The following ARHGAP6 variants were observed in gnomAD, a reference collection of about 807,000 sequenced individuals.
ARHGAP6 encodes rho GTPase-activating protein 6.
A neutral mutation model predicts 55.7 loss-of-function variants in ARHGAP6; 16 were observed. That is an observed-to-expected ratio of 0.29 (90% confidence interval 0.19 to 0.44). The LOEUF (loss-of-function observed/expected upper bound fraction) is 0.44. Ranked by LOEUF, ARHGAP6 falls within the 20% of genes least tolerant of loss-of-function variation. The pLI, the probability that ARHGAP6 is intolerant of heterozygous loss-of-function variation, is 1.00. For missense variants in ARHGAP6, 698 were observed against 808.9 expected (o/e 0.86, Z 1.66); for synonymous variants, 382 against 360.9 (o/e 1.06, Z -0.66).
intron 1 of ARHGAP6, among the ~76,000 whole-genome samples, chrX:11,322,874 T>A (rs2048451245): frequency 8.9e-6 from 1 of 112,536 alleles, no homozygotes; most frequent in Non-Finnish European, 1.9e-5. Flanking sequence ...ACCCAGAAGT[T>A]GTGATTTGGG....
chrX:11,410,264 T>C, intron 1 of ARHGAP6, among the ~76,000 whole-genome samples: 1 of 112,565 alleles, frequency 8.9e-6, no homozygotes, highest in Non-Finnish European at 1.9e-5. Context: ...AAGTATCATG[T>C]TTCCATATGA....
At chrX:11,148,541 C>A in intron 10 of ARHGAP6, 1 of 284,243 alleles carries the variant, frequency 3.5e-6, no homozygotes, top group South Asian at 3.5e-5. Context: ...ACCCCCAAAC[C>A]CCAGGACCAT....
At chrX:11,484,688 T>C (rs892169500) in intron 1 of ARHGAP6, among the ~76,000 whole-genome samples, 4 of 112,022 alleles carry the variant, frequency 3.6e-5, no homozygotes, top group Non-Finnish European at 7.5e-5. Context: ...GGCTGTATCA[T>C]TCATTAAGTA....
intron 1 of ARHGAP6, chrX:11,266,072 T>A (rs3890625): frequency 0.079 from 10,592 of 133,301 alleles, 823 homozygotes; most frequent in African/African-American, 0.18. Context: ...TGTGTGTGTG[T>A]GAGAGAGAGA....
At position 11,550,564 on chromosome X, in the gene ARHGAP6, G is replaced by A. The variant is rs1030558367; in HGVS notation, c.588+113677C>T. ...CCTGAGGTAATTCAATGTCAACCAA[G>A]GCTGAGAACTACTTGTTTGGAGCTC... On this transcript the variant is annotated intron_variant, in intron 1 of 12. Transcript: ENST00000337414. Among the ~76,000 whole-genome samples the A allele has an allele frequency of 2.7e-5, 3 of 111,881 alleles. No homozygotes were observed. The East Asian group carries it at 8.4e-4, about 31-fold the overall frequency.
intron 1 of ARHGAP6, among the ~76,000 whole-genome samples, chrX:11,488,882 G>A (rs1472173458): frequency 9.0e-6 from 1 of 111,607 alleles, no homozygotes; most frequent in Non-Finnish European, 1.9e-5. Flanking sequence ...TGCCAAAAAG[G>A]TTGGGGACCG....
intron 11 of ARHGAP6, 139 bp downstream of exon 11, chrX:11,143,841 G>A (rs758465960): frequency 1.7e-6 from 2 of 1,187,388 alleles, no homozygotes; most frequent in South Asian, 1.9e-5. Flanking sequence ...GCAGGTACTC[G>A]GTAAATGCAG....
At chrX:11,527,256 A>G (rs1427314153) in intron 1 of ARHGAP6, among the ~76,000 whole-genome samples, 1 of 111,472 alleles carries the variant, frequency 9.0e-6, no homozygotes, top group Non-Finnish European at 1.9e-5. Context: ...TTTTTAATAT[A>G]TCCTTCTTCT....
At chrX:11,611,252 C>T (rs192959525) in intron 1 of ARHGAP6, among the ~76,000 whole-genome samples, 550 of 112,286 alleles carry the variant, frequency 4.9e-3, no homozygotes, top group South Asian at 8.9e-3. Flanking sequence ...TAAAACATAA[C>T]TTTTCTAACT....
intron 10 of ARHGAP6, among the ~76,000 whole-genome samples, chrX:11,154,937 A>G (rs1156717327): frequency 1.8e-5 from 2 of 112,043 alleles, no homozygotes; most frequent in African/African-American, 3.2e-5. Context: ...CCTTACTTTC[A>G]ACAGAATTTG....
intron 1 of ARHGAP6, among the ~76,000 whole-genome samples, chrX:11,457,079 C>A (rs938679153): frequency 1.2e-4 from 13 of 111,667 alleles, no homozygotes; most frequent in Non-Finnish European, 2.4e-4. Context: ...GAACCCTGTG[C>A]ATATCCCCTA....
chrX:11,422,925 G>T lies in ARHGAP6; in HGVS notation c.589-168218C>A, dbSNP rs2049838598. Among the ~76,000 whole-genome samples the T allele has an allele frequency of 2.7e-5, 3 of 111,574 alleles. No homozygotes were observed. In the Admixed American group the frequency reaches 2.8e-4, roughly 11 times the overall value. On this transcript the variant is annotated intron_variant, in intron 1 of 12. Transcript: ENST00000337414. Reference sequence around the variant, plus strand: ...ATGATGGGGCTTCCACACCAAAGAGGCCTCATCCAGGAAAATTTCTGCATG... The same window carrying T: ...ATGATGGGGCTTCCACACCAAAGAGTCCTCATCCAGGAAAATTTCTGCATG...
intron 1 of ARHGAP6, among the ~76,000 whole-genome samples, chrX:11,448,429 C>G (rs1279235362): frequency 1.8e-5 from 2 of 111,852 alleles, no homozygotes; most frequent in African/African-American, 6.5e-5. Flanking sequence ...ATCCACAATT[C>G]TTATCCCAGA....
intron 1 of ARHGAP6, among the ~76,000 whole-genome samples, chrX:11,373,681 C>T (rs2049171014): frequency 8.9e-6 from 1 of 111,899 alleles, no homozygotes; most frequent in Non-Finnish European, 1.9e-5. Context: ...ACCTGGGCTG[C>T]AATGGAATGG....
chrX:11,551,077 G>A (rs1219560473), intron 1 of ARHGAP6, among the ~76,000 whole-genome samples: 1 of 111,794 alleles, frequency 8.9e-6, no homozygotes, highest in East Asian at 2.8e-4. Context: ...GGGAACTGGA[G>A]GAGTGGTTAG....
intron 2 of ARHGAP6, among the ~76,000 whole-genome samples, chrX:11,247,933 C>G (rs1440159264): frequency 9.0e-6 from 1 of 111,659 alleles, no homozygotes; most frequent in East Asian, 2.8e-4. Context: ...CCATGCTTGC[C>G]TCCATGGAGT....
At chrX:11,254,469 GAGTTC>G in intron 2 of ARHGAP6, 74 bp downstream of exon 2, 5 of 1,101,906 alleles carry the variant, frequency 4.5e-6, no homozygotes, top group Non-Finnish European at 6.1e-6. Flanking sequence ...GGTGTGAGAA[GAGTTC>G]ACAGCTCACG....
At chrX:11,368,162 A>T (rs1328677541) in intron 1 of ARHGAP6, among the ~76,000 whole-genome samples, 2 of 112,507 alleles carry the variant, frequency 1.8e-5, no homozygotes, top group Non-Finnish European at 3.8e-5. Flanking sequence ...GTCTTGCATG[A>T]GGACTAATTG....
In ARHGAP6 at chrX:11,169,500, C is replaced by T; in HGVS notation, c.1809+5G>A. 1 of 1,181,096 alleles carries T rather than the reference C, an allele frequency of 8.5e-7. No homozygotes were observed. The highest frequency in any genetic ancestry group is 1.1e-6 in the Non-Finnish European group (1 of 879,705). ...GTGATGTCCTGCCACAGAAGGGCCACCTACCATGAACAGGGCTTCATAATT... is the reference window on the plus strand; with the variant it reads ...GTGATGTCCTGCCACAGAAGGGCCATCTACCATGAACAGGGCTTCATAATT... On this transcript the variant is annotated splice_donor_5th_base_variant and intron_variant, in intron 9 of 12. Transcript: ENST00000337414.
Sources: gnomAD v4.1 joint callset for allele counts (sites outside exome capture counted in the v4.1 genomes callset) on GRCh38, gnomAD v4.1.1 for gene constraint, MANE v1.5 for transcripts, NCBI Gene and HGNC (gene_info 2026-07-23, HGNC 2026-07-21) for gene names.